PYROXD2: variants seen among roughly 807,000 people sequenced by gnomAD.
PYROXD2 encodes pyridine nucleotide-disulfide oxidoreductase domain-containing protein 2.
PYROXD2 carries 69 observed loss-of-function variants against 71.1 expected under a neutral mutation model. That is an observed-to-expected ratio of 0.97 (90% CI 0.80 to 1.19). The LOEUF (loss-of-function observed/expected upper bound fraction) is 1.19, where lower values mean the gene tolerates loss of function less well. PYROXD2 is among the 50% of genes most tolerant of loss of function. The pLI, the probability that PYROXD2 is intolerant of heterozygous loss-of-function variation, is 0.00. For synonymous variants in PYROXD2, 287 were observed against 302.7 expected (o/e 0.95, Z 0.54); for missense variants, 745 against 748.9 (o/e 0.99, Z 0.06).
intron 8 of PYROXD2, among the ~76,000 whole-genome samples, chr10:98,394,964 C>T (rs1297861141): frequency 2.0e-5 from 3 of 152,070 alleles, no homozygotes; most frequent in African/African-American, 7.2e-5. Context: ...ATCAGCCTTG[C>T]CACTTACCAG....
chr10:98,384,552 G>A (rs1437351470), intron 15 of PYROXD2, among the ~76,000 whole-genome samples: 1 of 152,228 alleles, frequency 6.6e-6, no homozygotes, highest in Non-Finnish European at 1.5e-5. Flanking sequence ...AGGAGGTTGA[G>A]GCTGCAGTGA....
chr10:98,385,589 T>A (rs1393538456), intron 14 of PYROXD2, among the ~76,000 whole-genome samples: 1 of 152,126 alleles, frequency 6.6e-6, no homozygotes, highest in Non-Finnish European at 1.5e-5. Context: ...CAAGCGAAGG[T>A]CAGACTCAGG....
chr10:98,391,981 C>T lies in PYROXD2; in HGVS notation c.1062+451G>A, dbSNP rs564074436. Among the ~76,000 whole-genome samples, 8 of 152,282 alleles carry T rather than the reference C, an allele frequency of 5.3e-5. No homozygotes were observed. In the East Asian group the frequency reaches 1.5e-3, roughly 29 times the overall value. ...GCAAGCCTTAAGCAGCTGAAATCCACCAAGATCAACTGAAGTCTCCAGTTC... is the reference window on the plus strand; with the variant it reads ...GCAAGCCTTAAGCAGCTGAAATCCATCAAGATCAACTGAAGTCTCCAGTTC... On this transcript the variant is annotated intron_variant, in intron 10 of 15. Coordinates refer to ENST00000370575, the MANE Select transcript of PYROXD2 (RefSeq NM_032709.3).
In PYROXD2 at chr10:98,397,448, G is replaced by A. The variant is rs1470295641; in HGVS notation, c.522C>T (p.Asp174=). ...CCACGGGGGCCGCATCCAGCAGAGG[G>A]TCAATGGCTAATGCCAAGCGATGCA... ...EFMHRLALAI[D]PLLDAAPVDM... is the part of the protein sequence containing the mutation. Residue 174 remains aspartate, a synonymous_variant, in exon 6 of 16, where the codon GAC becomes GAT. Transcript: ENST00000370575. The A allele has an allele frequency of 6.2e-7, 1 of 1,613,250 alleles. No homozygotes were observed.
At chr10:98,399,314 A>G (rs543338855) in intron 5 of PYROXD2, among the ~76,000 whole-genome samples, 23 of 152,322 alleles carry the variant, frequency 1.5e-4, no homozygotes, top group African/African-American at 5.3e-4. Context: ...CATGGGTTCT[A>G]TTAACCTAGG....
intron 5 of PYROXD2, among the ~76,000 whole-genome samples, chr10:98,399,347 A>G (rs540467356): frequency 2.4e-4 from 37 of 152,278 alleles, no homozygotes; most frequent in African/African-American, 8.4e-4. Context: ...AAATGTCTCC[A>G]CTGAGATATG....
chr10:98,392,335 T>A, intron 10 of PYROXD2, 97 bp downstream of exon 10: 1 of 1,532,370 alleles, frequency 6.5e-7, no homozygotes, highest in African/African-American at 1.4e-5. Context: ...CTTTTGCATC[T>A]CACACCCTGA....
intron 4 of PYROXD2, among the ~76,000 whole-genome samples, chr10:98,406,608 C>T (rs1192382738): frequency 1.3e-5 from 2 of 152,138 alleles, no homozygotes; most frequent in Non-Finnish European, 2.9e-5. Context: ...ATGGCACCAA[C>T]GTGGCCGGGT....
Position 98,410,977 on chromosome 10 carries a change from G to A in PYROXD2, c.128-19C>T. The A allele has an allele frequency of 1.3e-6, 2 of 1,560,374 alleles. No individual in the cohort carries two copies. Among genetic ancestry groups the A allele is most frequent in the Non-Finnish European group, 1.7e-6 (2 of 1,151,414 alleles). ...TTGTGTCCTGCAACAAAACGGGACA[G>A]GGAAGGAAAACATCACTGGTCAGCG... On this transcript the variant is annotated intron_variant, in intron 1 of 15. Transcript: ENST00000370575.
intron 1 of PYROXD2, among the ~76,000 whole-genome samples, chr10:98,413,021 A>G (rs1477482796): frequency 1.3e-5 from 2 of 152,224 alleles, no homozygotes; most frequent in African/African-American, 2.4e-5. Flanking sequence ...AACAAAGGTA[A>G]TAAATACTCA....
chr10:98,393,053 G>GC lies in PYROXD2; in HGVS notation c.815dup (p.Leu273ProfsTer20). 1 of 1,591,492 alleles carries GC rather than the reference G, an allele frequency of 6.3e-7. No homozygotes were observed. The highest frequency in any genetic ancestry group is 8.5e-7 in the Non-Finnish European group (1 of 1,172,194). On this transcript the variant is annotated frameshift_variant, in exon 9 of 16. Transcript: ENST00000370575. LOFTEE classifies it high-confidence loss of function. ...CCCAGGCCCCCTGCATTCCCTCCAG[G>GC]CCCCCCATCACATGGTGCAGCAGCA... is the stretch of plus-strand genomic sequence containing the variant.
chr10:98,388,379 C>A lies in PYROXD2; in HGVS notation c.1422G>T (p.Gln474His), dbSNP rs767803220. ...CTCTGTCTGCATAAGCGTCTCTCTC[C>A]TGCTCGTCCCAGGCCTTGCCTCCAG... ...TLAGGKAWDE[Q>H]ERDAYADRVF... The change falls in exon 13 of 16, where the codon CAG becomes CAT. Residue 474 changes from glutamine (Q) to histidine (H), a missense_variant. Transcript: ENST00000370575. The A allele has an allele frequency of 1.2e-6, 2 of 1,613,888 alleles. No homozygotes were observed.
Position 98,395,106 on chromosome 10 carries a change from AGCTGTTGTT to A in PYROXD2, c.785+81_785+89del. 22 of 1,093,518 alleles carry A rather than the reference AGCTGTTGTT, an allele frequency of 2.0e-5. 1 individual carries two copies. The South Asian group carries it at 2.7e-4, about 13-fold the overall frequency. 67.7% of individuals were successfully genotyped at this position (1,093,518 alleles called of 1,614,324 possible). On this transcript the variant is annotated intron_variant, in intron 8 of 15. Transcript: ENST00000370575. The stretch of plus-strand genomic sequence containing the variant: ...CACTGGGTGAGCTCTGTTAAGTGGC[AGCTGTTGTT>A]GCTGCCACTGCCACTGTTGTCCTCA...
intron 1 of PYROXD2, 142 bp from the exon 2 acceptor site, chr10:98,411,100 A>C (rs1843772818): frequency 8.5e-7 from 1 of 1,183,266 alleles, no homozygotes; most frequent in East Asian, 2.6e-5. Context: ...TCCCGCACTC[A>C]GATGTTGGAA....
At chr10:98,385,142 C>A in intron 14 of PYROXD2, 75 bp from the exon 15 acceptor site, 1 of 1,558,760 alleles carries the variant, frequency 6.4e-7, no homozygotes. Context: ...TTCTTCCCCT[C>A]CCCTGTTCTT....
At chr10:98,407,043 G>T (rs1162620416) in intron 4 of PYROXD2, among the ~76,000 whole-genome samples, 1 of 151,510 alleles carries the variant, frequency 6.6e-6, no homozygotes, top group Non-Finnish European at 1.5e-5. Context: ...TTATAAGACA[G>T]TGGGGGTGAA....
At chr10:98,396,784 C>T (rs565717580) in intron 6 of PYROXD2, among the ~76,000 whole-genome samples, 6 of 152,318 alleles carry the variant, frequency 3.9e-5, no homozygotes, top group African/African-American at 1.2e-4. Flanking sequence ...TCTACTTCTT[C>T]CCTAGGGCTT....
At chr10:98,411,356 C>T (rs1041589512) in intron 1 of PYROXD2, 19 of 226,028 alleles carry the variant, frequency 8.4e-5, no homozygotes, top group East Asian at 3.7e-4. Flanking sequence ...GCTGCGCCAA[C>T]GTCCCGTCTC....
chr10:98,384,995 G>C lies in PYROXD2; in HGVS notation c.1627C>G (p.Arg543Gly). The C allele has an allele frequency of 6.2e-7, 1 of 1,613,918 alleles. No homozygotes were observed. Among genetic ancestry groups the C allele is most frequent in the Non-Finnish European group, 8.5e-7 (1 of 1,179,980 alleles). The change falls in exon 15 of 16, where the codon CGC becomes GGC. Residue 543 changes from arginine (R) to glycine (G), a missense_variant. Physicochemically the swap from Arg to Gly is moderately radical, Grantham distance 125. Transcript: ENST00000370575. ...AGATACAGGCCCTGGAGAGGGCAGCGGTAGCCAGAATGCAGGGGCACGGGG... is the reference window on the plus strand; with the variant it reads ...AGATACAGGCCCTGGAGAGGGCAGCCGTAGCCAGAATGCAGGGGCACGGGG... Reference protein sequence around the residue: ...ARPVPLHSGYRCPLQGLYLCG... With the variant: ...ARPVPLHSGYGCPLQGLYLCG...
Sources: gnomAD v4.1 joint callset for allele counts (sites outside exome capture counted in the v4.1 genomes callset) on GRCh38, gnomAD v4.1.1 for gene constraint, MANE v1.5 for transcripts, NCBI Gene and HGNC (gene_info 2026-07-23, HGNC 2026-07-21) for gene names.